Variants in RAC1 observed in about 807,000 individuals in gnomAD.
RAC1 encodes ras-related C3 botulinum toxin substrate 1.
RAC1 carries 2 observed loss-of-function variants against 25.2 expected under a neutral mutation model. The observed-to-expected ratio is 0.08, with a 90% CI of 0.03 to 0.25. The LOEUF (loss-of-function observed/expected upper bound fraction) is 0.25. RAC1 is among the 10% of genes least tolerant of loss of function. The pLI is 1.00. For missense variants in RAC1, 50 were observed against 235.7 expected (o/e 0.21, Z 5.16); for synonymous variants, 88 against 94.0 (o/e 0.94, Z 0.37).
In RAC1 at chr7:6,382,423, A is replaced by AT. The variant is rs1451246012; in HGVS notation, c.36-4783dup. 4.6e-5 allele frequency among the ~76,000 whole-genome samples: 7 copies of AT among 152,288 alleles called. No homozygotes were observed. The South Asian group carries it at 1.0e-3, about 23-fold the overall frequency. On this transcript the variant is annotated intron_variant, in intron 1 of 5. Transcript: ENST00000348035. Reference sequence around the variant, plus strand: ...AAAGAAGGCAGTGCAGAAAGTTGTTATTTTTTGAGCTTCTTGGATCTTTTA... The same window carrying AT: ...AAAGAAGGCAGTGCAGAAAGTTGTTATTTTTTTGAGCTTCTTGGATCTTTTA...
At position 6,383,784 on chromosome 7, in the gene RAC1, C is replaced by CTTTTTTTTTTTTTTTTTTTTTTTTTTTT. The variant is rs34847745; in HGVS notation, c.36-3420_36-3393dup. Among the ~76,000 whole-genome samples the CTTTTTTTTTTTTTTTTTTTTTTTTTTTT allele has an allele frequency of 7.5e-5, 3 of 39,802 alleles. 1 individual carries two copies. Among genetic ancestry groups the CTTTTTTTTTTTTTTTTTTTTTTTTTTTT allele is most frequent in the East Asian group, 3.2e-3 (2 of 632 alleles). 26.1% of individuals were successfully genotyped at this position (39,802 alleles called of 152,430 possible). A position where few individuals can be genotyped will look rare whatever the true frequency, so the allele number is the denominator to read the frequency against. ...GTTAAGGTTTTTACACAACCTTTAT[C>CTTTTTTTTTTTTTTTTTTTTTTTTTTTT]TTTTTTTTTTTTTTTTTTTTTTTTT... On this transcript the variant is annotated intron_variant, in intron 1 of 5. Coordinates refer to ENST00000348035, the MANE Select transcript of RAC1 (RefSeq NM_006908.5).
At chr7:6,394,864 A>T (rs962218265) in intron 3 of RAC1, among the ~76,000 whole-genome samples, 2 of 144,162 alleles carry the variant, frequency 1.4e-5, no homozygotes, top group Non-Finnish European at 3.0e-5. Context: ...TTTGTATTTT[A>T]TTTTTTTTGA....
Position 6,402,476 on chromosome 7 carries a change from C to CCCTTGGA in RAC1, c.*31_*37dup, listed in dbSNP as rs771454358. On this transcript the variant is annotated 3_prime_UTR_variant, in exon 6 of 6. Coordinates refer to ENST00000348035, the MANE Select transcript of RAC1 (RefSeq NM_006908.5). ...CTCAGCCCCTCGTTCTTGGTCCTGT[C>CCCTTGGA]CCTTGGAACCTTTGTACGCTTTGCT... 3 of 1,107,890 alleles carry CCCTTGGA rather than the reference C, an allele frequency of 2.7e-6. No individual in the cohort carries two copies. The highest frequency in any genetic ancestry group is 3.5e-6 in the Non-Finnish European group (3 of 845,852). 68.6% of individuals were successfully genotyped at this position (1,107,890 alleles called of 1,614,324 possible).
chr7:6,380,194 C>G (rs1181645850), intron 1 of RAC1, among the ~76,000 whole-genome samples: 1 of 152,076 alleles, frequency 6.6e-6, no homozygotes, highest in Non-Finnish European at 1.5e-5. Context: ...TTTGTTTAAG[C>G]TTTTCAGCTG....
intron 4 of RAC1, 25 bp from the exon 5 acceptor site, chr7:6,401,843 A>G (rs747156962): frequency 1.2e-4 from 199 of 1,599,544 alleles, no homozygotes; most frequent in Non-Finnish European, 1.6e-4. Flanking sequence ...GCGTGTCACA[A>G]CCTCTGTTCC....
At chr7:6,399,339 C>A (rs1007839471) in intron 3 of RAC1, among the ~76,000 whole-genome samples, 13 of 152,152 alleles carry the variant, frequency 8.5e-5, no homozygotes, top group African/African-American at 3.1e-4. Flanking sequence ...GCATAATTGC[C>A]TTTTTCCAGG....
chr7:6,390,895 T>G (rs988778923), intron 2 of RAC1, among the ~76,000 whole-genome samples: 3 of 151,792 alleles, frequency 2.0e-5, no homozygotes, highest in Non-Finnish European at 4.4e-5. Context: ...ACCTTTTCTT[T>G]CTTCTTCTTC....
intron 2 of RAC1, chr7:6,391,708 T>G: frequency 3.6e-6 from 2 of 556,800 alleles, no homozygotes; most frequent in South Asian, 3.0e-5. Context: ...TTGTTGTTTG[T>G]TTCTTTCATT....
chr7:6,389,349 C>T (rs1783018044), intron 2 of RAC1, among the ~76,000 whole-genome samples: 1 of 151,780 alleles, frequency 6.6e-6, no homozygotes, highest in Non-Finnish European at 1.5e-5. Context: ...TAACCGTTTT[C>T]ATTTCCAATC....
chr7:6,384,066 A>G (rs1411654346), intron 1 of RAC1, among the ~76,000 whole-genome samples: 1 of 151,720 alleles, frequency 6.6e-6, no homozygotes, highest in Non-Finnish European at 1.5e-5. Flanking sequence ...AAGTGCTGGG[A>G]TTACATGTGT....
rs1782952540 is a variant in RAC1, at chr7:6,387,348, G to C, written c.107+65G>C. On this transcript the variant is annotated intron_variant, in intron 2 of 5. Coordinates refer to ENST00000348035, the MANE Select transcript of RAC1 (RefSeq NM_006908.5). The stretch of plus-strand genomic sequence containing the variant: ...GGGTTTCACATTTCTTTGACCATTT[G>C]TTTTGCTGTAAAGCCATCTTTAATC... 5 of 1,210,152 alleles carry C rather than the reference G, an allele frequency of 4.1e-6. No homozygotes were observed. In the Admixed American group the frequency reaches 9.3e-5, roughly 23 times the overall value. The allele number at this position is 1,210,152 out of a possible 1,614,324, so 75.0% of individuals were successfully genotyped here.
chr7:6,377,536 A>AG (rs1371270436), intron 1 of RAC1, among the ~76,000 whole-genome samples: 3 of 152,172 alleles, frequency 2.0e-5, no homozygotes, highest in Admixed American at 2.0e-4. Flanking sequence ...TGGAGGTTGT[A>AG]GTGAGCTGAG....
intron 1 of RAC1, among the ~76,000 whole-genome samples, chr7:6,381,781 G>C (rs2115186577): frequency 6.6e-6 from 1 of 152,180 alleles, no homozygotes; most frequent in Non-Finnish European, 1.5e-5. Flanking sequence ...TGTTTATTTA[G>C]CACTGCACTA....
intron 3 of RAC1, among the ~76,000 whole-genome samples, chr7:6,399,173 G>T (rs948697207): frequency 2.6e-5 from 4 of 152,178 alleles, no homozygotes; most frequent in Non-Finnish European, 5.9e-5. Context: ...GCTGGGTGCC[G>T]CGGTGATTCT....
At chr7:6,380,388 G>A (rs2115185073) in intron 1 of RAC1, among the ~76,000 whole-genome samples, 1 of 152,216 alleles carries the variant, frequency 6.6e-6, no homozygotes, top group East Asian at 1.9e-4. Flanking sequence ...ATGTGTGTGT[G>A]TGTGTGTGTT....
chr7:6,394,074 C>G (rs931959146), intron 3 of RAC1, among the ~76,000 whole-genome samples: 8 of 152,162 alleles, frequency 5.3e-5, no homozygotes, highest in African/African-American at 1.9e-4. Flanking sequence ...CTGTGGTCTG[C>G]AGACCTGTTG....
rs536262069 is a variant in RAC1, at chr7:6,375,048, C to T, written c.35+278C>T. Among the ~76,000 whole-genome samples, 104 of 151,376 alleles carry T rather than the reference C, an allele frequency of 6.9e-4. 2 individuals carry two copies. The highest frequency in any genetic ancestry group is 2.3e-3 in the African/African-American group (95 of 41,344). On this transcript the variant is annotated intron_variant, in intron 1 of 5. Transcript: ENST00000348035. The stretch of plus-strand genomic sequence containing the variant: ...TCCACCCTCCGGCTTTCTTCCCGGA[C>T]GCCGCCCGCCGCCCTCCTCGGGAGC...
chr7:6,384,484 T>C (rs1019369002), intron 1 of RAC1, among the ~76,000 whole-genome samples: 1 of 152,154 alleles, frequency 6.6e-6, no homozygotes, highest in African/African-American at 2.4e-5. Context: ...TGCCCACTTA[T>C]TTTTTTATTG....
chr7:6,391,520 T>C (rs1783092493), intron 2 of RAC1: 1 of 215,826 alleles, frequency 4.6e-6, no homozygotes, highest in Non-Finnish European at 9.4e-6. Context: ...AGGGTAGCTC[T>C]AGTGGCCAGC....
Sources: allele counts gnomAD v4.1 joint callset (sites outside exome capture counted in the v4.1 genomes callset), GRCh38; gene constraint gnomAD v4.1.1; transcripts MANE v1.5; gene names NCBI Gene and HGNC (gene_info 2026-07-23, HGNC 2026-07-21).